Variants in ENTPD3 observed in about 807,000 individuals in gnomAD.
The protein encoded by ENTPD3 is CD39 antigen-like 3.
In ENTPD3, 60 loss-of-function variants were observed where a neutral mutation model predicts 51.2. That is an observed-to-expected ratio of 1.17 (90% CI 0.95 to 1.45). The LOEUF (loss-of-function observed/expected upper bound fraction) is 1.45, where lower values mean the gene tolerates loss of function less well. Ranked by LOEUF, ENTPD3 falls within the 40% of genes most tolerant of loss-of-function variation. ENTPD3 has a pLI of 0.00. For missense variants in ENTPD3, 593 were observed against 641.1 expected (o/e 0.93, Z 0.81); for synonymous variants, 221 against 238.4 (o/e 0.93, Z 0.67).
chr3:40,420,399 C>T (rs1224907248), intron 7 of ENTPD3, among the ~76,000 whole-genome samples: 1 of 151,748 alleles, frequency 6.6e-6, no homozygotes, highest in Non-Finnish European at 1.5e-5. Context: ...CCATGCCCAG[C>T]TAATTTTTTC....
chr3:40,400,967 A>G lies in ENTPD3; in HGVS notation c.242A>G (p.Asn81Ser), dbSNP rs147399746. ...YVYQWPAEKE[N>S]NTGVVSQTFK... Reference sequence around the variant, plus strand: ...TATCAATGGCCAGCAGAAAAAGAGAATAATACCGGAGTGGTCAGTCAAACC... The same window carrying G: ...TATCAATGGCCAGCAGAAAAAGAGAGTAATACCGGAGTGGTCAGTCAAACC... Residue 81 changes from asparagine (N) to serine (S), a missense_variant, in exon 4 of 11, where the codon AAT becomes AGT. Asn to Ser is a conservative substitution (Grantham distance 46, BLOSUM62 1). Transcript: ENST00000301825. 1.2e-4 allele frequency: 186 copies of G among 1,613,900 alleles called. 1 individual carries two copies. Among genetic ancestry groups the G allele is most frequent in the East Asian group, 1.0e-3 (45 of 44,882 alleles).
At chr3:40,417,253 G>C (rs940848993) in intron 7 of ENTPD3, among the ~76,000 whole-genome samples, 8 of 152,154 alleles carry the variant, frequency 5.3e-5, no homozygotes, top group Admixed American at 3.9e-4. Flanking sequence ...CTACTATAAA[G>C]AAATACCTGA....
At chr3:40,414,517 T>G (rs1955700734) in intron 5 of ENTPD3, among the ~76,000 whole-genome samples, 164 bp from the exon 6 acceptor site, 1 of 152,178 alleles carries the variant, frequency 6.6e-6, no homozygotes, top group Admixed American at 6.5e-5. Flanking sequence ...CCCAGAAGGC[T>G]TCAACTTGCA....
At chr3:40,411,125 T>C (rs1192204289) in intron 4 of ENTPD3, among the ~76,000 whole-genome samples, 2 of 151,806 alleles carry the variant, frequency 1.3e-5, no homozygotes, top group Non-Finnish European at 2.9e-5. Flanking sequence ...ACCGTGTCTC[T>C]ATAAAAAAAC....
chr3:40,400,189 C>T (rs1240130178), intron 3 of ENTPD3, among the ~76,000 whole-genome samples: 3 of 149,536 alleles, frequency 2.0e-5, no homozygotes, highest in South Asian at 2.1e-4. Flanking sequence ...CACTTGAACC[C>T]GGGAGGCAGA....
At chr3:40,424,662 C>G in intron 10 of ENTPD3, 1 of 681,260 alleles carries the variant, frequency 1.5e-6, no homozygotes, top group Non-Finnish European at 2.7e-6. Flanking sequence ...CACCTGGTGA[C>G]AGGTGAAAGG....
At chr3:40,426,356 C>T (rs1234121727) in intron 10 of ENTPD3, among the ~76,000 whole-genome samples, 3 of 152,120 alleles carry the variant, frequency 2.0e-5, no homozygotes, top group South Asian at 2.1e-4. Context: ...GATCCCGCCT[C>T]GGCCTCCCAA....
rs1955741432 is a variant in ENTPD3 at position 40,416,055 on chromosome 3, T to C, written c.813T>C (p.Phe271=). 1 of 1,613,952 alleles carries C rather than the reference T, an allele frequency of 6.2e-7. No homozygotes were observed. ...GCCGGAATGAGGCTGAGAAGAAGTT[T>C]CTGGCAATGCTCCTGCAGGTACTTG... ...CYGRNEAEKK[F]LAMLLQNSPT... Residue 271 remains phenylalanine (F), a synonymous_variant, in exon 7 of 11, where the codon TTT becomes TTC. Coordinates refer to ENST00000301825, the MANE Select transcript of ENTPD3 (RefSeq NM_001248.4).
intron 2 of ENTPD3, among the ~76,000 whole-genome samples, chr3:40,389,338 TA>T (rs140984586): frequency 0.03 from 4,574 of 152,320 alleles, 247 homozygotes; most frequent in African/African-American, 0.1. Flanking sequence ...CCTGTACTTT[TA>T]TTTGGAATCA....
chr3:40,423,464 G>T lies in ENTPD3; in HGVS notation c.1215+63G>T, dbSNP rs149078734. On this transcript the variant is annotated intron_variant, in intron 9 of 10. Transcript: ENST00000301825. ...AAAAATATGGTAGAATCTATTCTAT[G>T]TGTGTGTATTCTGAATTTAGCCTTT... The T allele has an allele frequency of 6.5e-5, 75 of 1,160,606 alleles. No homozygotes were observed. In the African/African-American group the frequency reaches 8.3e-4, roughly 13 times the overall value. The allele number at this position is 1,160,606 out of a possible 1,614,324, so 71.9% of individuals were successfully genotyped here.
intron 4 of ENTPD3, among the ~76,000 whole-genome samples, chr3:40,405,604 T>A (rs143384928): frequency 6.6e-6 from 1 of 152,262 alleles, no homozygotes; most frequent in South Asian, 2.1e-4. Context: ...GCCGTCTGTT[T>A]AACCCTCTCT....
chr3:40,415,441 A>C (rs1469102599), intron 6 of ENTPD3, among the ~76,000 whole-genome samples: 1 of 152,166 alleles, frequency 6.6e-6, no homozygotes, highest in African/African-American at 2.4e-5. Flanking sequence ...ATTACCAACA[A>C]TTAACATTTG....
intron 4 of ENTPD3, among the ~76,000 whole-genome samples, chr3:40,407,558 C>T (rs1012210089): frequency 2.0e-5 from 3 of 151,990 alleles, no homozygotes; most frequent in Admixed American, 1.3e-4. Context: ...ATAGGCAAGT[C>T]GGGAGTTCGG....
intron 3 of ENTPD3, among the ~76,000 whole-genome samples, chr3:40,400,632 A>AT (rs1157959309): frequency 1.3e-5 from 2 of 151,374 alleles, no homozygotes; most frequent in South Asian, 2.1e-4. Context: ...GCATTGGGGG[A>AT]TTTTTTAAGC....
At chr3:40,425,488 G>A (rs9848083) in intron 10 of ENTPD3, among the ~76,000 whole-genome samples, 67,521 of 151,952 alleles carry the variant, frequency 0.44, 16,962 homozygotes, top group African/African-American at 0.68. Context: ...TTGCTGCACA[G>A]AAGACTTACA....
Position 40,415,690 on chromosome 3 carries a change from C to A in ENTPD3, c.598-150C>A, listed in dbSNP as rs560489774. ...CAGTTCCTGTAAGCATTTTAATTCA[C>A]CACCTCTAAAAGAAAAGGAAAGAAT... On this transcript the variant is annotated intron_variant, in intron 6 of 10. Transcript: ENST00000301825. The A allele has an allele frequency of 1.6e-5, 10 of 623,716 alleles. No individual in the cohort carries two copies. In the South Asian group the frequency reaches 2.0e-4, roughly 12 times the overall value. The allele number at this position is 623,716 out of a possible 1,614,324, so 38.6% of individuals were successfully genotyped here.
chr3:40,423,415 G>A lies in ENTPD3; in HGVS notation c.1215+14G>A. 1 of 1,541,958 alleles carries A rather than the reference G, an allele frequency of 6.5e-7. No individual in the cohort carries two copies. The highest frequency in any genetic ancestry group is 9.0e-7 in the Non-Finnish European group (1 of 1,115,012). On this transcript the variant is annotated intron_variant, in intron 9 of 10. Transcript: ENST00000301825. ...AATTGGAGTCAGGTCAGTATTTAAA[G>A]AGAAGGGATCAATGTCAGTACAAAA...
rs9848049 is a variant in ENTPD3, at chr3:40,395,344, G to T, written c.168+3194G>T. Reference sequence around the variant, plus strand: ...CTAGTAAAATGAGTAGATAAAAATAGATCCCTGGGCAGTCTAGAGGGCACT... The same window carrying T: ...CTAGTAAAATGAGTAGATAAAAATATATCCCTGGGCAGTCTAGAGGGCACT... On this transcript the variant is annotated intron_variant, in intron 3 of 10. Coordinates refer to ENST00000301825, the MANE Select transcript of ENTPD3 (RefSeq NM_001248.4). Among the ~76,000 whole-genome samples the T allele has an allele frequency of 6.1e-3, 926 of 152,326 alleles. 4 individuals carry two copies. Among genetic ancestry groups the T allele is most frequent in the African/African-American group, 0.021 (875 of 41,578 alleles).
intron 2 of ENTPD3, among the ~76,000 whole-genome samples, chr3:40,388,517 G>C (rs1559505550): frequency 6.6e-6 from 1 of 151,210 alleles, no homozygotes; most frequent in African/African-American, 2.4e-5. Flanking sequence ...CTGTGAGTCA[G>C]TGTTGTTATG....
Sources: allele counts gnomAD v4.1 joint callset (sites outside exome capture counted in the v4.1 genomes callset), GRCh38; gene constraint gnomAD v4.1.1; transcripts MANE v1.5; gene names NCBI Gene and HGNC (gene_info 2026-07-23, HGNC 2026-07-21).